The following MAML3 variants were observed in gnomAD, a reference collection of about 807,000 sequenced individuals.
The protein encoded by MAML3 is mastermind like transcriptional coactivator 3, also known as mastermind-like protein 3.
Under a neutral mutation model 101.9 loss-of-function variants are expected in MAML3, and 27 were observed. The ratio of observed to expected loss-of-function variants is 0.27; its 90% CI spans 0.20 to 0.37. The LOEUF is 0.37. MAML3 is among the 10% of genes least tolerant of loss of function. The probability of loss-of-function intolerance (pLI) is 1.00; values close to 1 mark genes in which losing one functional copy is unlikely to be tolerated. For synonymous variants in MAML3, 501 were observed against 555.9 expected (o/e 0.90, Z 1.39); for missense variants, 1,316 against 1,444.9 (o/e 0.91, Z 1.45).
intron 1 of MAML3, among the ~76,000 whole-genome samples, chr4:139,935,122 C>G (rs190945607): frequency 3.3e-5 from 5 of 152,062 alleles, no homozygotes; most frequent in East Asian, 1.9e-4. Context: ...CTATCACCCC[C>G]CTTCCTCAGC....
chr4:140,141,162 A>C (rs934495253), intron 1 of MAML3, among the ~76,000 whole-genome samples: 4 of 152,218 alleles, frequency 2.6e-5, no homozygotes, highest in African/African-American at 9.6e-5. Context: ...AATTATTATT[A>C]TCTTAGTGTA....
chr4:140,100,181 A>G (rs1049196163), intron 1 of MAML3, among the ~76,000 whole-genome samples: 2 of 151,982 alleles, frequency 1.3e-5, no homozygotes, highest in Admixed American at 6.6e-5. Flanking sequence ...CCATCTGTAG[A>G]GATCACTGTC....
At chr4:140,065,391 C>T (rs1297826926) in intron 1 of MAML3, among the ~76,000 whole-genome samples, 1 of 152,040 alleles carries the variant, frequency 6.6e-6, no homozygotes, top group East Asian at 1.9e-4. Flanking sequence ...TACATATCAG[C>T]TGGCTCTACT....
intron 1 of MAML3, among the ~76,000 whole-genome samples, chr4:140,058,068 A>T (rs560543072): frequency 2.6e-5 from 4 of 151,966 alleles, no homozygotes; most frequent in South Asian, 4.2e-4. Flanking sequence ...ATGCTTTTTT[A>T]AAAAAAATGG....
rs1293029266 is a variant in MAML3 at position 139,735,058 on chromosome 4, C to G, written c.2080-4391G>C. Among the ~76,000 whole-genome samples, 1 of 152,208 alleles carries G rather than the reference C, an allele frequency of 6.6e-6. No individual in the cohort carries two copies. The highest frequency in any genetic ancestry group is 1.5e-5 in the Non-Finnish European group (1 of 68,034). On this transcript the variant is annotated intron_variant, in intron 2 of 4. Coordinates refer to ENST00000509479, the MANE Select transcript of MAML3 (RefSeq NM_018717.5). The surrounding 1 kb of genome is among the most constrained non-coding windows in gnomAD (Gnocchi z 5.8). The stretch of plus-strand genomic sequence containing the variant: ...CCTCGCAGATGGCTTAATCAGGGCT[C>G]CCGCCCGCCCCTCCGCGGCCCCCGC...
At chr4:139,779,889 C>T (rs1291493794) in intron 2 of MAML3, among the ~76,000 whole-genome samples, 1 of 152,190 alleles carries the variant, frequency 6.6e-6, no homozygotes, top group Non-Finnish European at 1.5e-5. Flanking sequence ...GATGTTTCCC[C>T]GAATCTGTCA....
At chr4:139,871,578 A>T (rs1732007641) in intron 2 of MAML3, among the ~76,000 whole-genome samples, 1 of 151,958 alleles carries the variant, frequency 6.6e-6, no homozygotes, top group Non-Finnish European at 1.5e-5. Flanking sequence ...TCGAGATAGT[A>T]CTCTCCTCTT....
chr4:139,727,176 C>T (rs563965284), intron 3 of MAML3, among the ~76,000 whole-genome samples: 1 of 152,296 alleles, frequency 6.6e-6, no homozygotes, highest in South Asian at 2.1e-4. Context: ...ACAAGGCCAG[C>T]CAGTATTCTG....
At chr4:140,110,922 A>G (rs551109491) in intron 1 of MAML3, among the ~76,000 whole-genome samples, 1 of 152,360 alleles carries the variant, frequency 6.6e-6, no homozygotes. Context: ...TGGAATACAT[A>G]CCAACCCATG....
chr4:140,127,087 T>G (rs1191749152), intron 1 of MAML3, among the ~76,000 whole-genome samples: 1 of 152,184 alleles, frequency 6.6e-6, no homozygotes, highest in African/African-American at 2.4e-5. Flanking sequence ...TAGTTTCTCT[T>G]CTCCTATGTC....
chr4:139,882,980 T>C (rs998746107), intron 2 of MAML3, among the ~76,000 whole-genome samples: 3 of 152,244 alleles, frequency 2.0e-5, no homozygotes, highest in African/African-American at 7.2e-5. Flanking sequence ...ATCTCCCATT[T>C]ACCCTTTTGT....
intron 1 of MAML3, among the ~76,000 whole-genome samples, chr4:139,902,167 C>A (rs1384483175): frequency 6.6e-6 from 1 of 152,206 alleles, no homozygotes; most frequent in Non-Finnish European, 1.5e-5. Flanking sequence ...CAGCTAAGAG[C>A]TACCCTCCTG....
intron 2 of MAML3, among the ~76,000 whole-genome samples, chr4:139,792,795 A>T (rs1398252366): frequency 3.4e-5 from 5 of 147,644 alleles, no homozygotes; most frequent in Non-Finnish European, 7.4e-5. Context: ...CCCAGGCTGG[A>T]GTGCAGTGGT....
chr4:139,985,939 C>T (rs1469438836), intron 1 of MAML3, among the ~76,000 whole-genome samples: 2 of 152,234 alleles, frequency 1.3e-5, no homozygotes, highest in African/African-American at 4.8e-5. Context: ...GATCTCTTTG[C>T]TGTCTCTGAG....
intron 2 of MAML3, among the ~76,000 whole-genome samples, chr4:139,869,845 G>A (rs888872225): frequency 6.6e-6 from 1 of 152,240 alleles, no homozygotes; most frequent in Non-Finnish European, 1.5e-5. Context: ...AAAAAAATAT[G>A]AGATCAGAAT....
intron 2 of MAML3, among the ~76,000 whole-genome samples, chr4:139,763,668 G>C (rs1729800431): frequency 6.6e-6 from 1 of 152,184 alleles, no homozygotes; most frequent in Admixed American, 6.5e-5. Flanking sequence ...CCTGGACTGA[G>C]AGGGTATATT....
chr4:139,849,070 A>C (rs148866160), intron 2 of MAML3, among the ~76,000 whole-genome samples: 71 of 152,276 alleles, frequency 4.7e-4, no homozygotes, highest in African/African-American at 1.6e-3. Flanking sequence ...TCTTCCTGAC[A>C]TATATATTTA....
intron 2 of MAML3, among the ~76,000 whole-genome samples, chr4:139,793,037 C>T (rs751068701): frequency 1.9e-4 from 29 of 152,210 alleles, no homozygotes; most frequent in Admixed American, 4.6e-4. Flanking sequence ...TGAGACACCG[C>T]GCCCGGCAGA....
chr4:140,108,616 A>G (rs1264186201), intron 1 of MAML3, among the ~76,000 whole-genome samples: 1 of 149,828 alleles, frequency 6.7e-6, no homozygotes, highest in Non-Finnish European at 1.5e-5. Context: ...GTTAGATTCT[A>G]CTTCCTTCTG....
Sources: allele counts gnomAD v4.1 joint callset (sites outside exome capture counted in the v4.1 genomes callset), GRCh38; gene constraint gnomAD v4.1.1; non-coding constraint Gnocchi (gnomAD v3.1); transcripts MANE v1.5; gene names NCBI Gene and HGNC (gene_info 2026-07-23, HGNC 2026-07-21).